Variants in ADAMTS2 observed in about 807,000 individuals in gnomAD.
ADAMTS2 encodes ADAM metallopeptidase with thrombospondin type 1 motif 2.
Under a neutral mutation model 123.0 loss-of-function variants are expected in ADAMTS2, and 50 were observed. The observed-to-expected ratio is 0.41, with a 90% CI of 0.32 to 0.51. The LOEUF (loss-of-function observed/expected upper bound fraction) is 0.51, where lower values mean the gene tolerates loss of function less well. Ranked by LOEUF, ADAMTS2 falls within the 20% of genes least tolerant of loss-of-function variation. The pLI is 0.35. For synonymous variants in ADAMTS2, 678 were observed against 695.4 expected (o/e 0.98, Z 0.39); for missense variants, 1,494 against 1,705.2 (o/e 0.88, Z 2.18).
chr5:179,196,442 A>G (rs1397221669), intron 4 of ADAMTS2, among the ~76,000 whole-genome samples: 2 of 152,242 alleles, frequency 1.3e-5, no homozygotes, highest in Non-Finnish European at 2.9e-5. Context: ...ATAAGCAGTT[A>G]ACACAGCTGG....
rs1346710813 is a variant in ADAMTS2 at position 179,332,282 on chromosome 5, T to C, written c.534+11485A>G. Among the ~76,000 whole-genome samples the C allele has an allele frequency of 1.3e-5, 2 of 152,130 alleles. No individual in the cohort carries two copies. Among genetic ancestry groups the C allele is most frequent in the African/African-American group, 4.8e-5 (2 of 41,424 alleles). On this transcript the variant is annotated intron_variant, in intron 2 of 21. Coordinates refer to ENST00000251582, the MANE Select transcript of ADAMTS2 (RefSeq NM_014244.5). The surrounding 1 kb of genome is among the most constrained non-coding windows in gnomAD (Gnocchi z 4.2). Reference sequence around the variant, plus strand: ...CCACGCCCTCTCTGGGCACTCACCCTCCCAGAACCTCCACCTGTTCACCAA... The same window carrying C: ...CCACGCCCTCTCTGGGCACTCACCCCCCCAGAACCTCCACCTGTTCACCAA...
chr5:179,126,022 T>C lies in ADAMTS2; in HGVS notation c.2726A>G (p.Asn909Ser). The change falls in exon 18 of 22, where the codon AAC (asparagine) becomes AGC (serine). Residue 909 changes from asparagine (N) to serine (S), a missense_variant. By Grantham distance (46) the Asn-to-Ser change is conservative. Transcript: ENST00000251582. Reference sequence around the variant, plus strand: ...CACTGGCTGGGAGCATTCCTGTGGGTTGCACGCTCTGCGGATGGCTTTGGG... The same window carrying C: ...CACTGGCTGGGAGCATTCCTGTGGGCTGCACGCTCTGCGGATGGCTTTGGG... ...SKPKAIRRAC[N>S]PQECSQPVWV... 1.2e-6 allele frequency: 2 copies of C among 1,613,410 alleles called. No homozygotes were observed.
In ADAMTS2 at chr5:179,128,916, C is replaced by T. The variant is rs1762910893; in HGVS notation, c.2458-798G>A. On this transcript the variant is annotated intron_variant, in intron 16 of 21. Transcript: ENST00000251582. This position sits in a 1 kb window ranked among gnomAD's most constrained non-coding sequence, Gnocchi z 4.9. The stretch of plus-strand genomic sequence containing the variant: ...CAGCGAAATCGCCCCCAAAATAGCA[C>T]AAAATGTGATGTATGTGACACTCAA... Among the ~76,000 whole-genome samples the T allele has an allele frequency of 6.6e-6, 1 of 152,122 alleles. No individual in the cohort carries two copies. Among genetic ancestry groups the T allele is most frequent in the Non-Finnish European group, 1.5e-5 (1 of 68,030 alleles).
At chr5:179,273,185 G>A in intron 2 of ADAMTS2, 121 bp from the exon 3 acceptor site, 1 of 1,474,634 alleles carries the variant, frequency 6.8e-7, no homozygotes. Flanking sequence ...CACCCCAGCT[G>A]GTGCTCAGCT....
chr5:179,175,521 G>A lies in ADAMTS2; in HGVS notation c.975+5551C>T, dbSNP rs988230417. Among the ~76,000 whole-genome samples the A allele has an allele frequency of 1.3e-5, 2 of 152,094 alleles. No individual in the cohort carries two copies. The highest frequency in any genetic ancestry group is 2.9e-5 in the Non-Finnish European group (2 of 68,026). Reference sequence around the variant, plus strand: ...CATTGTCTTGTCAGGACTATTCCAGGTATTCTACATTTTTGGTTACTACCA... The same window carrying A: ...CATTGTCTTGTCAGGACTATTCCAGATATTCTACATTTTTGGTTACTACCA... On this transcript the variant is annotated intron_variant, in intron 5 of 21. Transcript: ENST00000251582. The surrounding 1 kb of genome is among the most constrained non-coding windows in gnomAD (Gnocchi z 4.1).
chr5:179,231,438 G>T (rs1765410206), intron 3 of ADAMTS2, among the ~76,000 whole-genome samples: 1 of 152,142 alleles, frequency 6.6e-6, no homozygotes, highest in South Asian at 2.1e-4. Flanking sequence ...CAGAAATGAA[G>T]GGACAGAAGG....
chr5:179,166,477 A>G (rs1490070109), intron 5 of ADAMTS2, among the ~76,000 whole-genome samples: 1 of 152,150 alleles, frequency 6.6e-6, no homozygotes, highest in East Asian at 1.9e-4. Flanking sequence ...AGGCTTGGCC[A>G]GGGCAAGGGT....
chr5:179,194,137 G>A (rs565794611), intron 4 of ADAMTS2, among the ~76,000 whole-genome samples: 4 of 152,318 alleles, frequency 2.6e-5, no homozygotes, highest in Admixed American at 2.6e-4. Flanking sequence ...GATGCTGGGA[G>A]GCTTCCACAT....
At position 179,118,389 on chromosome 5, in the gene ADAMTS2, T is replaced by C. The variant is rs1188107960; in HGVS notation, c.3178+3272A>G. On this transcript the variant is annotated intron_variant, in intron 21 of 21. Transcript: ENST00000251582. The surrounding 1 kb of genome is among the most constrained non-coding windows in gnomAD (Gnocchi z 4.5). Reference sequence around the variant, plus strand: ...AGATGAACACTGTGGTTTTACAATATTTGGTCTTCGGCCATTTCCAGTAGC... The same window carrying C: ...AGATGAACACTGTGGTTTTACAATACTTGGTCTTCGGCCATTTCCAGTAGC... Among the ~76,000 whole-genome samples, 1 of 152,090 alleles carries C rather than the reference T, an allele frequency of 6.6e-6. No individual in the cohort carries two copies.
At chr5:179,304,480 G>A (rs936326932) in intron 2 of ADAMTS2, among the ~76,000 whole-genome samples, 5 of 152,204 alleles carry the variant, frequency 3.3e-5, no homozygotes, top group Admixed American at 3.3e-4. Context: ...TGGAAAGATA[G>A]TCTCAGCAAG....
chr5:179,329,271 G>A (rs1757414744), intron 2 of ADAMTS2, among the ~76,000 whole-genome samples: 2 of 150,388 alleles, frequency 1.3e-5, no homozygotes, highest in Admixed American at 6.6e-5. Context: ...AGCTTGCAGT[G>A]AGCCGAGATA....
intron 3 of ADAMTS2, among the ~76,000 whole-genome samples, chr5:179,214,149 A>C (rs1764921396): frequency 9.2e-6 from 1 of 109,036 alleles, no homozygotes; most frequent in African/African-American, 3.2e-5. Flanking sequence ...AGTCACCATT[A>C]CTGAGACACA....
In ADAMTS2 at chr5:179,132,321, T is replaced by C; in HGVS notation, c.2210-11A>G. The C allele has an allele frequency of 3.7e-6, 6 of 1,613,682 alleles. No homozygotes were observed. The highest frequency in any genetic ancestry group is 5.1e-6 in the Non-Finnish European group (6 of 1,179,660). ...ACATCTTGATGTAACCTTTTTTTGA[T>C]GTGGAAAGACACAGAAAACTGAGAA... On this transcript the variant is annotated splice_polypyrimidine_tract_variant and intron_variant, in intron 14 of 21. Transcript: ENST00000251582. This position sits in a 1 kb window ranked among gnomAD's most constrained non-coding sequence, Gnocchi z 6.1.
chr5:179,271,450 C>T (rs1240948370), intron 3 of ADAMTS2, among the ~76,000 whole-genome samples: 1 of 152,230 alleles, frequency 6.6e-6, no homozygotes, highest in Non-Finnish European at 1.5e-5. Context: ...TGCCACTGGG[C>T]TTGCCCGACA....
rs1246302597 is a variant in ADAMTS2, at chr5:179,189,614, C to A, written c.892-8459G>T. Among the ~76,000 whole-genome samples the A allele has an allele frequency of 6.7e-6, 1 of 149,006 alleles. No individual in the cohort carries two copies. The highest frequency in any genetic ancestry group is 1.5e-5 in the Non-Finnish European group (1 of 67,578). Reference sequence around the variant, plus strand: ...CTTCATGATCTGCCCGCCTCGGCCTCCCAAAGTGCTGGGATTACAGGCGTG... The same window carrying A: ...CTTCATGATCTGCCCGCCTCGGCCTACCAAAGTGCTGGGATTACAGGCGTG... On this transcript the variant is annotated intron_variant, in intron 4 of 21. Coordinates refer to ENST00000251582, the MANE Select transcript of ADAMTS2 (RefSeq NM_014244.5). The surrounding 1 kb of genome is among the most constrained non-coding windows in gnomAD (Gnocchi z 4.2).
intron 2 of ADAMTS2, among the ~76,000 whole-genome samples, chr5:179,288,843 T>C (rs1021756943): frequency 6.6e-6 from 1 of 152,186 alleles, no homozygotes; most frequent in Non-Finnish European, 1.5e-5. Flanking sequence ...GGTGTCACAC[T>C]GGGAGACAGT....
chr5:179,221,001 C>T (rs72818655), intron 3 of ADAMTS2, among the ~76,000 whole-genome samples: 20,272 of 152,244 alleles, frequency 0.13, 1,801 homozygotes, highest in Non-Finnish European at 0.2. Context: ...CTCCTCCTTC[C>T]TGACCCCTCT....
rs191263024 is a variant in ADAMTS2 at position 179,285,771 on chromosome 5, G to A, written c.535-12707C>T. Reference sequence around the variant, plus strand: ...CTCTACTAAAGAAGAAAAATGACTCGTGCTGCAGGAACATTTGCCAAACTA... The same window carrying A: ...CTCTACTAAAGAAGAAAAATGACTCATGCTGCAGGAACATTTGCCAAACTA... On this transcript the variant is annotated intron_variant, in intron 2 of 21. Coordinates refer to ENST00000251582, the MANE Select transcript of ADAMTS2 (RefSeq NM_014244.5). The surrounding 1 kb of genome is among the most constrained non-coding windows in gnomAD (Gnocchi z 4.9). Among the ~76,000 whole-genome samples the A allele has an allele frequency of 7.9e-5, 12 of 152,276 alleles. No homozygotes were observed. Among genetic ancestry groups the A allele is most frequent in the Admixed American group, 5.2e-4 (8 of 15,300 alleles).
At chr5:179,336,514 C>T (rs1348577375) in intron 2 of ADAMTS2, among the ~76,000 whole-genome samples, 1 of 152,038 alleles carries the variant, frequency 6.6e-6, no homozygotes, top group African/African-American at 2.4e-5. Context: ...CAGTGGGGCC[C>T]GCGCCTCCAG....
Sources: gnomAD v4.1 joint callset for allele counts (sites outside exome capture counted in the v4.1 genomes callset) on GRCh38, gnomAD v4.1.1 for gene constraint, Gnocchi (gnomAD v3.1) non-coding constraint, MANE v1.5 for transcripts, NCBI Gene and HGNC (gene_info 2026-07-23, HGNC 2026-07-21) for gene names.